LRP11: variants seen among roughly 807,000 people sequenced by gnomAD.
LRP11 encodes LDL receptor related protein 11, also known as low-density lipoprotein receptor-related protein 11.
A neutral mutation model predicts 43.1 loss-of-function variants in LRP11; 25 were observed. The ratio of observed to expected loss-of-function variants is 0.58; its 90% CI spans 0.42 to 0.81. The LOEUF is 0.81. Ranked by LOEUF, LRP11 falls within the 30% of genes least tolerant of loss-of-function variation. The pLI is 0.00. For missense variants in LRP11, 623 were observed against 665.1 expected, an observed-to-expected ratio of 0.94 and a Z score of 0.70; for synonymous variants, 316 against 299.4, an observed-to-expected ratio of 1.06 and a Z score of -0.57.
rs1324088979 is a variant in LRP11, at chr6:149,828,128, G to T, written c.1253-1769C>A. On this transcript the variant is annotated intron_variant, in intron 5 of 6. Coordinates refer to ENST00000239367, the MANE Select transcript of LRP11 (RefSeq NM_032832.6). The stretch of plus-strand genomic sequence containing the variant: ...ATCACTTGAACTTGGGAGGCGGAGG[G>T]TGCAGTGAGCCAAGATCATGCCACC... Among the ~76,000 whole-genome samples, 4 of 151,624 alleles carry T rather than the reference G, an allele frequency of 2.6e-5. No homozygotes were observed. The East Asian group carries it at 7.8e-4, about 29-fold the overall frequency.
In LRP11 at chr6:149,837,346, C is replaced by CAG; in HGVS notation, c.1029_1030dup (p.Cys344SerfsTer12). The CAG allele has an allele frequency of 6.2e-7, 1 of 1,613,636 alleles. No homozygotes were observed. Among genetic ancestry groups the CAG allele is most frequent in the Non-Finnish European group, 8.5e-7 (1 of 1,179,888 alleles). Reference sequence around the variant, plus strand: ...TGACATAGCCAACTCACGATTCTGGCAGAAGTCTTCATCAGACCCATCAGG... The same window carrying CAG: ...TGACATAGCCAACTCACGATTCTGGCAGAGAAGTCTTCATCAGACCCATCAGG... On this transcript the variant is annotated frameshift_variant, in exon 4 of 7. Transcript: ENST00000239367.
At chr6:149,854,152 A>G (rs1776764359) in intron 1 of LRP11, among the ~76,000 whole-genome samples, 1 of 152,158 alleles carries the variant, frequency 6.6e-6, no homozygotes, top group Non-Finnish European at 1.5e-5. Context: ...CTTTTGAGAC[A>G]GGGTCTCTAT....
At chr6:149,825,981 C>A (rs1470856663) in intron 6 of LRP11, 6 of 398,900 alleles carry the variant, frequency 1.5e-5, no homozygotes, top group Non-Finnish European at 2.3e-5. Flanking sequence ...GCATCTGACT[C>A]TAAAGCTTGT....
At chr6:149,842,903 C>G in intron 3 of LRP11, 80 bp downstream of exon 3, 1 of 1,518,236 alleles carries the variant, frequency 6.6e-7, no homozygotes, top group South Asian at 1.1e-5. Flanking sequence ...GCCCATGGAG[C>G]GCAGAGCCAG....
chr6:149,855,016 T>C (rs1185170020), intron 1 of LRP11, among the ~76,000 whole-genome samples: 10 of 152,208 alleles, frequency 6.6e-5, no homozygotes, highest in African/African-American at 2.2e-4. Flanking sequence ...CAAGTTACCA[T>C]TGCCTTTCAG....
intron 5 of LRP11, among the ~76,000 whole-genome samples, chr6:149,832,191 C>CTTTTTTTTTTT (rs5880854): frequency 7.7e-6 from 1 of 130,138 alleles, no homozygotes; most frequent in African/African-American, 3.0e-5. Context: ...TGAGCTAAGT[C>CTTTTTTTTTTT]TTTTTTTTTT....
At chr6:149,854,758 G>A (rs940271992) in intron 1 of LRP11, among the ~76,000 whole-genome samples, 12 of 152,196 alleles carry the variant, frequency 7.9e-5, no homozygotes, top group African/African-American at 2.4e-4. Flanking sequence ...AGTGCTGCAA[G>A]GCACCGCCTC....
At chr6:149,856,183 A>T (rs192560486) in intron 1 of LRP11, among the ~76,000 whole-genome samples, 67 of 152,354 alleles carry the variant, frequency 4.4e-4, no homozygotes, top group Non-Finnish European at 8.5e-4. Context: ...ATGGACACAT[A>T]ATTTTTTAAA....
intron 5 of LRP11, 101 bp from the exon 6 acceptor site, chr6:149,826,460 G>C: frequency 2.7e-6 from 2 of 753,364 alleles, no homozygotes. Context: ...GATGGACTTA[G>C]AGAAGAACTG....
intron 1 of LRP11, among the ~76,000 whole-genome samples, chr6:149,859,954 C>T (rs1461402777): frequency 6.6e-6 from 1 of 152,020 alleles, no homozygotes; most frequent in Non-Finnish European, 1.5e-5. Flanking sequence ...TGTGTATGGT[C>T]AGAGTTGTAG....
In LRP11 at chr6:149,863,541, G is replaced by A. The variant is rs926348942; in HGVS notation, c.480C>T (p.Cys160=). The A allele has an allele frequency of 2.9e-6, 4 of 1,363,040 alleles. No individual in the cohort carries two copies. In the African/African-American group the frequency reaches 4.6e-5, roughly 16 times the overall value. The allele number at this position is 1,363,040 out of a possible 1,614,324, so 84.4% of individuals were successfully genotyped here. The change falls in exon 1 of 7, where the codon TGC becomes TGT. Residue 160 remains cysteine (C), a synonymous_variant. Transcript: ENST00000239367. ...RPAPPAAVLG[C]YLFNCTARGR... is the part of the protein sequence containing the mutation. ...CGCGCGCCGTGCAGTTGAAGAGGTA[G>A]CAGCCGAGCACGGCTGCCGGGGGCG...
chr6:149,842,373 C>CATCT (rs1465025270), intron 3 of LRP11, among the ~76,000 whole-genome samples: 1 of 152,168 alleles, frequency 6.6e-6, no homozygotes, highest in African/African-American at 2.4e-5. Context: ...ACATATCTAT[C>CATCT]ATCTCCCCTA....
In LRP11 at chr6:149,836,267, G is replaced by T. The variant is rs1018090437; in HGVS notation, c.1070C>A (p.Thr357Lys). The change falls in exon 5 of 7, where the codon ACG (threonine) becomes AAG (lysine). Residue 357 changes from threonine (T) to lysine (K), a missense_variant. Thr to Lys is a moderately conservative substitution (Grantham distance 78, BLOSUM62 -1). Transcript: ENST00000239367. The stretch of plus-strand genomic sequence containing the variant: ...TCTTGGCAGGGCAGGACTAGCTGCC[G>T]TGTGGGTTACCATCTTGCGGTCCAG... ...LGLDRKMVTH[T>K]AASPALPRTT... is the part of the protein sequence containing the mutation. 3.1e-6 allele frequency: 5 copies of T among 1,614,150 alleles called. No individual in the cohort carries two copies. Among genetic ancestry groups the T allele is most frequent in the Non-Finnish European group, 4.2e-6 (5 of 1,180,014 alleles).
intron 3 of LRP11, chr6:149,842,773 C>T (rs1776568297): frequency 7.5e-7 from 1 of 1,325,758 alleles, no homozygotes; most frequent in Non-Finnish European, 1.1e-6. Context: ...CCCTGGAGTG[C>T]TTCCTCCACC....
chr6:149,839,615 T>G (rs1776518996), intron 3 of LRP11, among the ~76,000 whole-genome samples: 1 of 152,254 alleles, frequency 6.6e-6, no homozygotes, highest in Admixed American at 6.5e-5. Flanking sequence ...TCATGCATCC[T>G]GATCAATAAT....
chr6:149,824,972 C>T (rs892572420), intron 6 of LRP11, among the ~76,000 whole-genome samples: 23 of 152,310 alleles, frequency 1.5e-4, no homozygotes, highest in African/African-American at 5.3e-4. Flanking sequence ...GCTGGTTTCC[C>T]TCTTCCCTTG....
intron 1 of LRP11, among the ~76,000 whole-genome samples, chr6:149,858,250 G>A (rs1161903858): frequency 6.6e-5 from 10 of 152,074 alleles, no homozygotes; most frequent in Non-Finnish European, 1.0e-4. Context: ...CTCCGTGTCC[G>A]TGTGTTCTCA....
Position 149,864,050 on chromosome 6 carries a change from G to A in LRP11, c.-30C>T. ...ACGAGAGCCAAGGGCAGCGAGCCGA[G>A]GCGGGGCTGAGCGCGGGAGGAAGGC... On this transcript the variant is annotated 5_prime_UTR_variant, in exon 1 of 7. Coordinates refer to ENST00000239367, the MANE Select transcript of LRP11 (RefSeq NM_032832.6). 4 of 1,289,734 alleles carry A rather than the reference G, an allele frequency of 3.1e-6. No homozygotes were observed. The highest frequency in any genetic ancestry group is 3.9e-6 in the Non-Finnish European group (4 of 1,023,410). 79.9% of individuals were successfully genotyped at this position (1,289,734 alleles called of 1,614,324 possible).
At chr6:149,845,976 AC>A (rs938112197) in intron 2 of LRP11, among the ~76,000 whole-genome samples, 12 of 152,194 alleles carry the variant, frequency 7.9e-5, no homozygotes, top group Non-Finnish European at 4.4e-5. Flanking sequence ...GTCCGCGGGT[AC>A]CACCTTGCTC....
Sources: allele counts gnomAD v4.1 joint callset (sites outside exome capture counted in the v4.1 genomes callset), GRCh38; gene constraint gnomAD v4.1.1; transcripts MANE v1.5; gene names NCBI Gene and HGNC (gene_info 2026-07-23, HGNC 2026-07-21).